WWOX: variants seen among roughly 807,000 people sequenced by gnomAD.
The protein encoded by WWOX is WW domain containing oxidoreductase.
WWOX carries 69 observed loss-of-function variants against 46.2 expected under a neutral mutation model. The ratio of observed to expected loss-of-function variants is 1.49; its 90% CI spans 1.23 to 1.82. The LOEUF (loss-of-function observed/expected upper bound fraction) is 1.82, where lower values mean the gene tolerates loss of function less well. Among genes scored for constraint, WWOX ranks in the 40% most tolerant of loss-of-function variants. WWOX has a pLI of 0.00. For synonymous variants in WWOX, 359 were observed against 202.6 expected, an observed-to-expected ratio of 1.77 and a Z score of -6.56; for missense variants, 919 against 542.6, an observed-to-expected ratio of 1.69 and a Z score of -6.89.
At chr16:78,100,235 G>A in intron 1 of WWOX, 2 of 1,138,624 alleles carry the variant, frequency 1.8e-6, no homozygotes, top group Non-Finnish European at 2.2e-6. Context: ...CTGGGTTGCA[G>A]GGATAGGAGT....
intron 5 of WWOX, among the ~76,000 whole-genome samples, chr16:78,250,630 G>T (rs2151828124): frequency 6.6e-6 from 1 of 152,284 alleles, no homozygotes; most frequent in South Asian, 2.1e-4. Flanking sequence ...AGAGCCAACA[G>T]ATAGACATGG....
intron 8 of WWOX, among the ~76,000 whole-genome samples, chr16:79,061,070 G>C (rs377194204): frequency 6.6e-6 from 1 of 152,276 alleles, no homozygotes; most frequent in East Asian, 1.9e-4. Flanking sequence ...ACAGCCTCTC[G>C]AAGGGACGTG....
At chr16:78,937,943 G>C (rs1422860009) in intron 8 of WWOX, among the ~76,000 whole-genome samples, 3 of 152,214 alleles carry the variant, frequency 2.0e-5, no homozygotes, top group East Asian at 1.9e-4. Flanking sequence ...ACTTTTTAAT[G>C]TGCCAAGGTC....
chr16:78,557,689 A>ATTTTTTTTTTTTTTTTTTT lies in WWOX; in HGVS notation c.1056+124942_1056+124960dup, dbSNP rs34068363. Among the ~76,000 whole-genome samples, 19 of 96,626 alleles carry ATTTTTTTTTTTTTTTTTTT rather than the reference A, an allele frequency of 2.0e-4. 3 individuals carry two copies. Among genetic ancestry groups the ATTTTTTTTTTTTTTTTTTT allele is most frequent in the African/African-American group, 6.8e-4 (13 of 19,196 alleles). 63.4% of individuals were successfully genotyped at this position (96,626 alleles called of 152,430 possible). A position where few individuals can be genotyped will look rare whatever the true frequency, so the allele number is the denominator to read the frequency against. On this transcript the variant is annotated intron_variant, in intron 8 of 8. Coordinates refer to ENST00000566780, the MANE Select transcript of WWOX (RefSeq NM_016373.4). ...CATAAGTGCATTCCTCTAGGGAAGGATTTTTTTTTTTTTTTTTTTTTTTGA... is the reference window on the plus strand; with the variant it reads ...CATAAGTGCATTCCTCTAGGGAAGGATTTTTTTTTTTTTTTTTTTTTTTTTTTTTTTTTTTTTTTTTTGA...
chr16:78,444,819 C>T (rs1366311462), intron 8 of WWOX, among the ~76,000 whole-genome samples: 7 of 152,242 alleles, frequency 4.6e-5, no homozygotes, highest in African/African-American at 1.2e-4. Context: ...CGTGAGCCAC[C>T]GCACCCGGCC....
chr16:78,387,109 G>C (rs906603159), intron 6 of WWOX, among the ~76,000 whole-genome samples, 161 bp downstream of exon 6: 17 of 152,084 alleles, frequency 1.1e-4, no homozygotes, highest in African/African-American at 2.9e-4. Flanking sequence ...GTATTTTCTT[G>C]ACTCACAGTC....
intron 1 of WWOX, among the ~76,000 whole-genome samples, chr16:78,105,041 G>C (rs1195879522): frequency 6.6e-6 from 1 of 152,204 alleles, no homozygotes; most frequent in Admixed American, 6.5e-5. Flanking sequence ...TCTTCCCCAG[G>C]GATGGTTGTG....
At chr16:78,917,587 A>G (rs1432897068) in intron 8 of WWOX, among the ~76,000 whole-genome samples, 1 of 151,764 alleles carries the variant, frequency 6.6e-6, no homozygotes, top group Non-Finnish European at 1.5e-5. Flanking sequence ...AATCAAACAT[A>G]TTTTCATTCT....
At chr16:78,283,736 C>T (rs980214810) in intron 5 of WWOX, among the ~76,000 whole-genome samples, 1 of 151,918 alleles carries the variant, frequency 6.6e-6, no homozygotes, top group African/African-American at 2.4e-5. Flanking sequence ...TCTTTTCCCT[C>T]CCCCAAACAA....
intron 8 of WWOX, among the ~76,000 whole-genome samples, chr16:78,469,500 C>G (rs1029958680): frequency 2.0e-5 from 3 of 152,052 alleles, no homozygotes; most frequent in African/African-American, 7.2e-5. Context: ...GATGGTGTTA[C>G]GAATTACCCA....
intron 8 of WWOX, among the ~76,000 whole-genome samples, chr16:78,643,127 A>G (rs912288081): frequency 2.0e-5 from 3 of 152,180 alleles, no homozygotes; most frequent in Non-Finnish European, 2.9e-5. Flanking sequence ...GAAAAGCTCT[A>G]TGCAGCTATC....
At chr16:78,608,942 T>C (rs2045831344) in intron 8 of WWOX, among the ~76,000 whole-genome samples, 1 of 152,196 alleles carries the variant, frequency 6.6e-6, no homozygotes, top group African/African-American at 2.4e-5. Context: ...CTAGCAGCAA[T>C]AAAATCTCTA....
At chr16:78,999,531 G>T (rs1597256728) in intron 8 of WWOX, among the ~76,000 whole-genome samples, 1 of 152,318 alleles carries the variant, frequency 6.6e-6, no homozygotes, top group East Asian at 1.9e-4. Flanking sequence ...GATCTGCATG[G>T]AGGAAATCTA....
chr16:78,285,746 G>T (rs2079756363), intron 5 of WWOX, among the ~76,000 whole-genome samples: 1 of 152,160 alleles, frequency 6.6e-6, no homozygotes, highest in African/African-American at 2.4e-5. Flanking sequence ...CGCCTAAATA[G>T]CTGAGGACAA....
intron 2 of WWOX, 49 bp downstream of exon 2, chr16:78,108,536 G>A (rs745338926): frequency 6.2e-7 from 1 of 1,601,774 alleles, no homozygotes; most frequent in Non-Finnish European, 8.6e-7. Context: ...TTAAGTAGAT[G>A]AGGAAATGTC....
chr16:78,973,796 G>A (rs2046518404), intron 8 of WWOX, among the ~76,000 whole-genome samples: 1 of 152,226 alleles, frequency 6.6e-6, no homozygotes, highest in Non-Finnish European at 1.5e-5. Context: ...CTGATATGCG[G>A]GCAGGGGTTC....
At chr16:78,789,480 G>A (rs1373019937) in intron 8 of WWOX, among the ~76,000 whole-genome samples, 6 of 152,034 alleles carry the variant, frequency 3.9e-5, no homozygotes, top group East Asian at 1.9e-4. Flanking sequence ...TTTCTTTCTG[G>A]ACTCTGAATT....
intron 8 of WWOX, among the ~76,000 whole-genome samples, chr16:78,577,445 T>G (rs917199653): frequency 2.0e-5 from 3 of 152,158 alleles, no homozygotes; most frequent in African/African-American, 7.2e-5. Flanking sequence ...AGCAAATCAT[T>G]TAGCTGGCTC....
chr16:78,137,710 G>A (rs1597252859), intron 4 of WWOX, among the ~76,000 whole-genome samples: 1 of 152,122 alleles, frequency 6.6e-6, no homozygotes, highest in African/African-American at 2.4e-5. Flanking sequence ...AGTTGTTGTG[G>A]TCTCTGTTCC....
Sources: allele counts gnomAD v4.1 joint callset (sites outside exome capture counted in the v4.1 genomes callset), GRCh38; gene constraint gnomAD v4.1.1; transcripts MANE v1.5; gene names NCBI Gene and HGNC (gene_info 2026-07-23, HGNC 2026-07-21).